Variants in ADGRG3 observed in about 807,000 individuals in gnomAD.
The protein encoded by ADGRG3 is G protein-coupled receptor 97.
In ADGRG3, 39 loss-of-function variants were observed where a neutral mutation model predicts 54.3. The observed-to-expected ratio is 0.72, with a 90% CI of 0.56 to 0.94. The LOEUF is 0.94. Among genes scored for constraint, ADGRG3 ranks in the 40% least tolerant of loss-of-function variants. The pLI is 0.00. For missense variants in ADGRG3, 654 were observed against 694.6 expected, an observed-to-expected ratio of 0.94 and a Z score of 0.66; for synonymous variants, 312 against 290.0, an observed-to-expected ratio of 1.08 and a Z score of -0.77.
chr16:57,678,697 A>G, intron 4 of ADGRG3: 1 of 326,592 alleles, frequency 3.1e-6, no homozygotes, highest in Admixed American at 4.3e-5. Context: ...AAGTGTACCC[A>G]TGCCCTTGCA....
At chr16:57,678,493 G>A (rs928062698) in intron 4 of ADGRG3, 177 bp downstream of exon 4, 5 of 617,172 alleles carry the variant, frequency 8.1e-6, no homozygotes, top group African/African-American at 1.8e-5. Flanking sequence ...AGAGTCTATG[G>A]TCTTCAGACT....
At chr16:57,680,671 G>C (rs1442025204) in intron 8 of ADGRG3, 54 bp downstream of exon 8, 1 of 1,249,790 alleles carries the variant, frequency 8.0e-7, no homozygotes, top group Non-Finnish European at 1.2e-6. Flanking sequence ...AAGGGAGGCA[G>C]CAGGGCAGGG....
At chr16:57,666,608 G>A (rs138201467), upstream of ADGRG3, among the ~76,000 whole-genome samples, 32 of 152,298 alleles carry the variant, frequency 2.1e-4, 1 homozygote, top group East Asian at 1.7e-3. Context: ...GGCAGGAGGC[G>A]GCAGGAAGGG....
In ADGRG3 at chr16:57,684,231, G is replaced by A; in HGVS notation, c.1162+19G>A. The A allele has an allele frequency of 6.2e-7, 1 of 1,606,582 alleles. No individual in the cohort carries two copies. The highest frequency in any genetic ancestry group is 8.5e-7 in the Non-Finnish European group (1 of 1,175,456). On this transcript the variant is annotated intron_variant, in intron 9 of 11. Coordinates refer to ENST00000333493, the MANE Select transcript of ADGRG3 (RefSeq NM_170776.5). ...GGCTGGGGTAGGTGCTGCCTGGATG[G>A]ACAGAATAAACGGCCGGCCCTGAGG...
chr16:57,676,227 G>A lies in ADGRG3; in HGVS notation c.234G>A (p.Leu78=). The change falls in exon 3 of 12, where the codon CTG becomes CTA. Residue 78 remains leucine, a synonymous_variant. Transcript: ENST00000333493. ...QRYWLNYEAH[L]MKEGLTQKVN... ...ACTGGCTAAACTACGAGGCCCATCT[G>A]ATGAAGGAAGGTTTGACGCAGAAGG... 1 of 1,614,066 alleles carries A rather than the reference G, an allele frequency of 6.2e-7. No homozygotes were observed.
At chr16:57,672,138 C>T (rs1218252411) in intron 1 of ADGRG3, among the ~76,000 whole-genome samples, 1 of 152,050 alleles carries the variant, frequency 6.6e-6, no homozygotes, top group Non-Finnish European at 1.5e-5. Flanking sequence ...TGTGATCATG[C>T]TACTGCACTC....
chr16:57,688,749 G>A lies in ADGRG3; in HGVS notation c.*288G>A, dbSNP rs1427196853. 4 of 338,210 alleles carry A rather than the reference G, an allele frequency of 1.2e-5. No homozygotes were observed. Among genetic ancestry groups the A allele is most frequent in the East Asian group, 1.0e-4 (2 of 19,318 alleles). 21.0% of individuals were successfully genotyped at this position (338,210 alleles called of 1,614,324 possible). A position where few individuals can be genotyped will look rare whatever the true frequency, so the allele number is the denominator to read the frequency against. On this transcript the variant is annotated 3_prime_UTR_variant, in exon 12 of 12. Transcript: ENST00000333493. Reference sequence around the variant, plus strand: ...CTCCATGCCCTGCCCTCATTGCAAAGCCCTCACTCACCTTCTGGTCTCAGC... The same window carrying A: ...CTCCATGCCCTGCCCTCATTGCAAAACCCTCACTCACCTTCTGGTCTCAGC...
chr16:57,674,122 T>A (rs62039893), intron 2 of ADGRG3, among the ~76,000 whole-genome samples: 35,519 of 151,818 alleles, frequency 0.23, 4,461 homozygotes, highest in East Asian at 0.32. Flanking sequence ...CGTTTTGGAA[T>A]GATTGCTCAG....
At chr16:57,674,140 G>A (rs1447372024) in intron 2 of ADGRG3, among the ~76,000 whole-genome samples, 1 of 152,056 alleles carries the variant, frequency 6.6e-6, no homozygotes, top group Non-Finnish European at 1.5e-5. Flanking sequence ...CAGGCTTCAG[G>A]GACCGGTGAT....
At position 57,684,415 on chromosome 16, in the gene ADGRG3, C is replaced by G; in HGVS notation, c.1188C>G (p.Gly396=). 1 of 1,613,852 alleles carries G rather than the reference C, an allele frequency of 6.2e-7. No homozygotes were observed. Residue 396 remains glycine, a synonymous_variant, in exon 10 of 12, where the codon GGC becomes GGG. Transcript: ENST00000333493. ...GCCTGCCCGCCCTGATGGTCATCGG[C>G]ACTGGGAGTGCCAACAGCTACGGCC... ...GWGLPALMVI[G]TGSANSYGLY...
chr16:57,673,172 T>A, intron 1 of ADGRG3, 149 bp from the exon 2 acceptor site: 1 of 714,536 alleles, frequency 1.4e-6, no homozygotes, highest in South Asian at 1.9e-5. Flanking sequence ...AGGGTCTGCA[T>A]CCTGCTCAAG....
chr16:57,683,149 G>A (rs1398725136), intron 8 of ADGRG3, among the ~76,000 whole-genome samples: 9 of 152,220 alleles, frequency 5.9e-5, no homozygotes, highest in Non-Finnish European at 1.2e-4. Flanking sequence ...AGAACAGTGG[G>A]AAGAGCTGAC....
chr16:57,678,182 G>A lies in ADGRG3; in HGVS notation c.358G>A (p.Val120Met). The A allele has an allele frequency of 6.2e-7, 1 of 1,614,178 alleles. No individual in the cohort carries two copies. The highest frequency in any genetic ancestry group is 8.5e-7 in the Non-Finnish European group (1 of 1,180,002). Residue 120 changes from valine (V) to methionine (M), a missense_variant, in exon 4 of 12, where the codon GTG (valine) becomes ATG (methionine). Physicochemically the swap from Val to Met is conservative, Grantham distance 21. Coordinates refer to ENST00000333493, the MANE Select transcript of ADGRG3 (RefSeq NM_170776.5). ...TCTGTGGTTGTAGGTTCCGAGGCAGGTGATGAAGGACGAGGACAAGCCCCC... is the reference window on the plus strand; with the variant it reads ...TCTGTGGTTGTAGGTTCCGAGGCAGATGATGAAGGACGAGGACAAGCCCCC... Reference protein sequence around the residue: ...SLEPSQVPRQVMKDEDKPPDR... With the variant: ...SLEPSQVPRQMMKDEDKPPDR...
intron 2 of ADGRG3, among the ~76,000 whole-genome samples, chr16:57,675,396 A>G (rs1465254517): frequency 6.6e-6 from 1 of 152,154 alleles, no homozygotes; most frequent in African/African-American, 2.4e-5. Flanking sequence ...AAGCCGAGGC[A>G]AGCGGATCGC....
intron 10 of ADGRG3, 95 bp from the exon 11 acceptor site, chr16:57,685,548 A>G (rs2048457674): frequency 4.1e-6 from 5 of 1,219,868 alleles, no homozygotes; most frequent in Non-Finnish European, 5.9e-6. Context: ...TGGGAGAGGC[A>G]CCTTCACAGA....
At chr16:57,676,721 C>T in intron 3 of ADGRG3, among the ~76,000 whole-genome samples, 1 of 152,174 alleles carries the variant, frequency 6.6e-6, no homozygotes, top group Non-Finnish European at 1.5e-5. Context: ...TTAACATGGC[C>T]AGGTGCAGTG....
In ADGRG3 at chr16:57,679,159, C is replaced by T. The variant is rs200980292; in HGVS notation, c.493-18C>T. On this transcript the variant is annotated intron_variant, in intron 4 of 11. Coordinates refer to ENST00000333493, the MANE Select transcript of ADGRG3 (RefSeq NM_170776.5). ...GGCCCCTTCTGCAGCCTGGCCTCCC[C>T]GATCTCCCCTTTCACAGGGCCCCCG... 2.4e-3 allele frequency: 3,840 copies of T among 1,613,156 alleles called. 7 individuals carry two copies. Among genetic ancestry groups the T allele is most frequent in the Non-Finnish European group, 3.0e-3 (3,543 of 1,179,782 alleles).
intron 10 of ADGRG3, 22 bp downstream of exon 10, chr16:57,684,505 A>G: frequency 6.4e-7 from 1 of 1,552,442 alleles, no homozygotes; most frequent in Non-Finnish European, 8.9e-7. Context: ...CTGTGGGAGC[A>G]GGGGTGATGC....
In ADGRG3 at chr16:57,684,497, G is replaced by C; in HGVS notation, c.1256+14G>C. ...CTCTCTGGAGCTGTGAGTGGCGGCT[G>C]TGGGAGCAGGGGTGATGCCAGCTCC... On this transcript the variant is annotated intron_variant, in intron 10 of 11. Coordinates refer to ENST00000333493, the MANE Select transcript of ADGRG3 (RefSeq NM_170776.5). The C allele has an allele frequency of 1.9e-6, 3 of 1,596,544 alleles. No individual in the cohort carries two copies. Among genetic ancestry groups the C allele is most frequent in the Non-Finnish European group, 2.6e-6 (3 of 1,164,530 alleles).
Sources: gnomAD v4.1 joint callset for allele counts (sites outside exome capture counted in the v4.1 genomes callset) on GRCh38, gnomAD v4.1.1 for gene constraint, MANE v1.5 for transcripts, NCBI Gene and HGNC (gene_info 2026-07-23, HGNC 2026-07-21) for gene names.